Variants in KDM5B observed in about 807,000 individuals in gnomAD.
The protein encoded by KDM5B is lysine demethylase 5B.
Under a neutral mutation model 193.4 loss-of-function variants are expected in KDM5B, and 144 were observed. That is an observed-to-expected ratio of 0.74 (90% confidence interval 0.65 to 0.86). The LOEUF (loss-of-function observed/expected upper bound fraction) is 0.86, where lower values mean the gene tolerates loss of function less well. Ranked by LOEUF, KDM5B falls within the 40% of genes least tolerant of loss-of-function variation. The pLI is 0.00. For synonymous variants in KDM5B, 668 were observed against 682.6 expected, an observed-to-expected ratio of 0.98 and a Z score of 0.33; for missense variants, 1,833 against 1,886.9, an observed-to-expected ratio of 0.97 and a Z score of 0.53.
intron 14 of KDM5B, 24 bp from the exon 15 acceptor site, chr1:202,746,347 A>G: frequency 2.0e-6 from 3 of 1,502,210 alleles, no homozygotes; most frequent in Non-Finnish European, 2.7e-6. Context: ...TACTTTAGAG[A>G]GACCTCCAAA....
intron 7 of KDM5B, among the ~76,000 whole-genome samples, chr1:202,762,097 A>G (rs1656271999): frequency 6.6e-6 from 1 of 152,216 alleles, no homozygotes; most frequent in African/African-American, 2.4e-5. Flanking sequence ...TAATGCCATC[A>G]GGCTTTACTT....
intron 6 of KDM5B, 124 bp from the exon 7 acceptor site, chr1:202,762,932 A>G (rs1656311613): frequency 3.1e-6 from 2 of 652,784 alleles, no homozygotes; most frequent in East Asian, 2.5e-5. Flanking sequence ...TTTAGTAGCA[A>G]TAGCACCCAG....
chr1:202,769,905 C>T (rs990161551), intron 4 of KDM5B, among the ~76,000 whole-genome samples: 2 of 152,036 alleles, frequency 1.3e-5, no homozygotes, highest in African/African-American at 4.8e-5. Context: ...CTATTTGACA[C>T]ACAAAAGTAT....
At chr1:202,791,139 G>C (rs916735687) in intron 1 of KDM5B, among the ~76,000 whole-genome samples, 1 of 152,200 alleles carries the variant, frequency 6.6e-6, no homozygotes, top group African/African-American at 2.4e-5. Flanking sequence ...TGTGACTGTA[G>C]TAGCGCTGGT....
At chr1:202,778,090 G>T (rs1483479782) in intron 1 of KDM5B, among the ~76,000 whole-genome samples, 1 of 151,824 alleles carries the variant, frequency 6.6e-6, no homozygotes, top group African/African-American at 2.4e-5. Context: ...CAGGAGAATC[G>T]CTGGAACACA....
chr1:202,738,763 A>C lies in KDM5B; in HGVS notation c.3084+1911T>G, dbSNP rs560842619. On this transcript the variant is annotated intron_variant, in intron 20 of 26. Coordinates refer to ENST00000367265, the MANE Select transcript of KDM5B (RefSeq NM_006618.5). ...TAAGAGATAAGGGAAGACATCCCCC[A>C]TCAAACACGTTTCAAATTAAGTCAT... Among the ~76,000 whole-genome samples the C allele has an allele frequency of 1.2e-4, 18 of 152,320 alleles. 1 individual carries two copies. Among genetic ancestry groups the C allele is most frequent in the Non-Finnish European group, 2.5e-4 (17 of 68,020 alleles).
rs1654730688 is a variant in KDM5B, at chr1:202,727,907, GTGA to G, written c.*1126_*1128del. The G allele has an allele frequency of 6.5e-6, 1 of 152,692 alleles. No individual in the cohort carries two copies. Among genetic ancestry groups the G allele is most frequent in the African/African-American group, 2.4e-5 (1 of 41,460 alleles). The allele number at this position is 152,692 out of a possible 1,614,324, so 9.5% of individuals were successfully genotyped here. A position where few individuals can be genotyped will look rare whatever the true frequency, so the allele number is the denominator to read the frequency against. The stretch of plus-strand genomic sequence containing the variant: ...AAGGAAGACTGATTTGAGGATTGAA[GTGA>G]TTTGCCAACATTCTGAGAAAGCTTA... On this transcript the variant is annotated 3_prime_UTR_variant, in exon 27 of 27. Transcript: ENST00000367265.
rs986516514 is a variant in KDM5B, at chr1:202,743,353, A to C, written c.2324-548T>G. On this transcript the variant is annotated intron_variant, in intron 16 of 26. Coordinates refer to ENST00000367265, the MANE Select transcript of KDM5B (RefSeq NM_006618.5). ...CCTTGTCTCAAAAAAAAAAAAAAAA[A>C]AAAAAAAAAAACACCTGGCATGTTT... 6.8e-4 allele frequency among the ~76,000 whole-genome samples: 103 copies of C among 151,690 alleles called. 1 individual carries two copies. Among genetic ancestry groups the C allele is most frequent in the Admixed American group, 1.2e-3 (19 of 15,260 alleles).
intron 1 of KDM5B, among the ~76,000 whole-genome samples, chr1:202,793,623 C>T (rs1657727644): frequency 6.6e-6 from 1 of 152,120 alleles, no homozygotes; most frequent in Non-Finnish European, 1.5e-5. Flanking sequence ...GCCAGAAACC[C>T]AACATTTTGA....
At chr1:202,747,925 A>G (rs1443048025) in intron 14 of KDM5B, among the ~76,000 whole-genome samples, 1 of 152,168 alleles carries the variant, frequency 6.6e-6, no homozygotes, top group Non-Finnish European at 1.5e-5. Flanking sequence ...TGATTCTAAA[A>G]TGTACATTAA....
At chr1:202,767,430 G>A in intron 4 of KDM5B, 1 of 1,369,334 alleles carries the variant, frequency 7.3e-7, no homozygotes, top group Non-Finnish European at 1.0e-6. Flanking sequence ...TAGCGCTGCT[G>A]GAAGCTCTGC....
Position 202,725,579 on chromosome 1 carries a change from C to T in KDM5B, c.*3457G>A, listed in dbSNP as rs1270586421. Reference sequence around the variant, plus strand: ...CCCTCATACATAGCTCAATAAAGGCCGACACTGGGATCTTCATTGCTTTCC... The same window carrying T: ...CCCTCATACATAGCTCAATAAAGGCTGACACTGGGATCTTCATTGCTTTCC... On this transcript the variant is annotated 3_prime_UTR_variant, in exon 27 of 27. Coordinates refer to ENST00000367265, the MANE Select transcript of KDM5B (RefSeq NM_006618.5). 2.0e-5 allele frequency: 3 copies of T among 152,144 alleles called. No homozygotes were observed. Among genetic ancestry groups the T allele is most frequent in the East Asian group, 1.9e-4 (1 of 5,196 alleles). 9.4% of individuals were successfully genotyped at this position (152,144 alleles called of 1,614,324 possible). A position where few individuals can be genotyped will look rare whatever the true frequency, so the allele number is the denominator to read the frequency against.
intron 16 of KDM5B, among the ~76,000 whole-genome samples, chr1:202,745,023 A>G (rs1369119113): frequency 6.6e-6 from 1 of 152,226 alleles, no homozygotes; most frequent in Non-Finnish European, 1.5e-5. Flanking sequence ...ACTGGAGGCA[A>G]TTAGTTAGCA....
At position 202,758,470 on chromosome 1, in the gene KDM5B, G is replaced by C. The variant is rs1473363755; in HGVS notation, c.1118C>G (p.Ala373Gly). Residue 373 changes from alanine (A) to glycine (G), a missense_variant, in exon 9 of 27, where the codon GCA (alanine) becomes GGA (glycine). Ala to Gly is a moderately conservative substitution (Grantham distance 60). Around this residue, in one of 3 missense-constraint regions of KDM5B, gnomAD observed 99 missense variants for 162.4 expected, o/e 0.61. Coordinates refer to ENST00000367265, the MANE Select transcript of KDM5B (RefSeq NM_006618.5). ...KPQEAFGFEQAARDYTLRTFG... is the reference protein window; with the variant it reads ...KPQEAFGFEQGARDYTLRTFG... ...AGTACGGAGGGTATAGTCCCTGGCT[G>C]CTTGTTCAAAGCCAAATGCTTCTTG... 6.2e-7 allele frequency: 1 copy of C among 1,610,726 alleles called. No homozygotes were observed. The highest frequency in any genetic ancestry group is 1.1e-5 in the South Asian group (1 of 90,720).
intron 4 of KDM5B, among the ~76,000 whole-genome samples, chr1:202,769,030 C>CT (rs1273285459): frequency 1.6e-4 from 22 of 141,874 alleles, no homozygotes; most frequent in Admixed American, 2.8e-4. Flanking sequence ...CTATTATATT[C>CT]TTTTTTTTTC....
chr1:202,779,474 G>A (rs1245262339), intron 1 of KDM5B, among the ~76,000 whole-genome samples: 5 of 149,762 alleles, frequency 3.3e-5, no homozygotes, highest in Non-Finnish European at 7.4e-5. Flanking sequence ...GCGAGACTCC[G>A]TCTCAAAAAA....
intron 1 of KDM5B, among the ~76,000 whole-genome samples, chr1:202,802,242 T>A (rs962927036): frequency 2.0e-4 from 31 of 152,292 alleles, no homozygotes; most frequent in African/African-American, 7.2e-4. Context: ...CTTTCCCTTA[T>A]CCTTTTCTAC....
At chr1:202,753,541 T>A (rs890515660) in intron 11 of KDM5B, among the ~76,000 whole-genome samples, 3 of 88,520 alleles carry the variant, frequency 3.4e-5, no homozygotes, top group African/African-American at 5.6e-5. Flanking sequence ...GTAATGCATT[T>A]TCCCCCTTCA....
At chr1:202,755,824 G>C (rs10800861) in intron 10 of KDM5B, among the ~76,000 whole-genome samples, 1 of 151,878 alleles carries the variant, frequency 6.6e-6, no homozygotes, top group Non-Finnish European at 1.5e-5. Context: ...GAGAGCGGGC[G>C]AAAAGGGAAC....
Sources: gnomAD v4.1 joint callset for allele counts (sites outside exome capture counted in the v4.1 genomes callset) on GRCh38, gnomAD v4.1.1 for gene constraint, gnomAD v4.1.1 regional missense constraint, MANE v1.5 for transcripts, NCBI Gene and HGNC (gene_info 2026-07-23, HGNC 2026-07-21) for gene names.